Variants in FCHSD2 observed in about 807,000 individuals in gnomAD.
The protein encoded by FCHSD2 is F-BAR and double SH3 domains protein 2.
A neutral mutation model predicts 108.1 loss-of-function variants in FCHSD2; 38 were observed. That is an observed-to-expected ratio of 0.35 (90% CI 0.27 to 0.46). FCHSD2 has a LOEUF of 0.46. FCHSD2 is among the 20% of genes least tolerant of loss of function. FCHSD2 has a pLI of 1.00. For synonymous variants in FCHSD2, 279 were observed against 314.7 expected (o/e 0.89, Z 1.20); for missense variants, 751 against 897.8 (o/e 0.84, Z 2.09).
Position 72,867,911 on chromosome 11 carries a change from C to A in FCHSD2, c.1262G>T (p.Arg421Leu), listed in dbSNP as rs142899648. Residue 421 changes from arginine (R) to leucine (L), a missense_variant, in exon 13 of 20, where the codon CGA (arginine) becomes CTA (leucine). Transcript: ENST00000409418. ...GGTCACTGCAGGAGGGCGGGCCCAT[C>A]GCTCATTTTCCAGTTCTTCCATTAC... ...NQVMEELENE[R>L]WARPPAVTSN... is the part of the protein sequence containing the mutation. 6.2e-7 allele frequency: 1 copy of A among 1,611,798 alleles called. No homozygotes were observed. The highest frequency in any genetic ancestry group is 1.3e-5 in the African/African-American group (1 of 75,026).
At chr11:72,909,792 T>C (rs1158336947) in intron 9 of FCHSD2, among the ~76,000 whole-genome samples, 3 of 147,096 alleles carry the variant, frequency 2.0e-5, no homozygotes, top group African/African-American at 5.1e-5. Flanking sequence ...GGAGCACCTC[T>C]GCCCGGCCGC....
intron 9 of FCHSD2, among the ~76,000 whole-genome samples, chr11:72,903,912 T>A (rs1351272045): frequency 6.6e-6 from 1 of 152,068 alleles, no homozygotes; most frequent in Non-Finnish European, 1.5e-5. Context: ...CACCAACCAT[T>A]TATTGAGAGA....
At chr11:73,024,061 T>C (rs964195513) in intron 3 of FCHSD2, among the ~76,000 whole-genome samples, 2 of 152,242 alleles carry the variant, frequency 1.3e-5, no homozygotes, top group Middle Eastern at 3.4e-3. Context: ...AGTATTGTAG[T>C]AGTGGATCTG....
At chr11:73,055,179 C>A (rs75634820) in intron 3 of FCHSD2, among the ~76,000 whole-genome samples, 1 of 151,984 alleles carries the variant, frequency 6.6e-6, no homozygotes, top group Admixed American at 6.6e-5. Context: ...GGGAAAACCA[C>A]CCCCATGATT....
intron 3 of FCHSD2, among the ~76,000 whole-genome samples, chr11:73,074,128 A>G (rs1390374572): frequency 6.6e-6 from 1 of 152,230 alleles, no homozygotes; most frequent in African/African-American, 2.4e-5. Flanking sequence ...GACTAGAATA[A>G]AAAGTCCAGA....
intron 9 of FCHSD2, among the ~76,000 whole-genome samples, chr11:72,903,596 C>A (rs953232985): frequency 5.3e-5 from 8 of 151,936 alleles, no homozygotes; most frequent in Non-Finnish European, 1.2e-4. Context: ...GAAAAGAATT[C>A]ATTGCATTTA....
In FCHSD2 at chr11:72,838,689, C is replaced by G; in HGVS notation, c.*102G>C. The G allele has an allele frequency of 1.1e-6, 1 of 918,508 alleles. No individual in the cohort carries two copies. Among genetic ancestry groups the G allele is most frequent in the South Asian group, 1.5e-5 (1 of 65,376 alleles). The allele number at this position is 918,508 out of a possible 1,614,324, so 56.9% of individuals were successfully genotyped here. A position where few individuals can be genotyped will look rare whatever the true frequency, so the allele number is the denominator to read the frequency against. On this transcript the variant is annotated 3_prime_UTR_variant, in exon 20 of 20. Transcript: ENST00000409418. Reference sequence around the variant, plus strand: ...CACATAATCCTCCTTGTTTTTTGCTCTGTTCAAGAGTCATCATCATGCAAA... The same window carrying G: ...CACATAATCCTCCTTGTTTTTTGCTGTGTTCAAGAGTCATCATCATGCAAA...
At chr11:73,091,336 C>T (rs1859952294) in intron 2 of FCHSD2, among the ~76,000 whole-genome samples, 6 of 151,976 alleles carry the variant, frequency 3.9e-5, no homozygotes, top group Admixed American at 3.3e-4. Flanking sequence ...GTCAGGAGTT[C>T]GAGACCAGCC....
chr11:72,957,630 T>C (rs1285331963), intron 8 of FCHSD2, among the ~76,000 whole-genome samples: 3 of 151,584 alleles, frequency 2.0e-5, no homozygotes, highest in South Asian at 2.1e-4. Context: ...AAAATGTGTA[T>C]TGGGTCTGTG....
chr11:73,018,686 T>C (rs1365597260), intron 3 of FCHSD2, among the ~76,000 whole-genome samples: 2 of 152,144 alleles, frequency 1.3e-5, no homozygotes, highest in African/African-American at 4.8e-5. Flanking sequence ...GTGTTAGAAG[T>C]CTTTGAATAA....
At chr11:73,127,440 GGT>G (rs2135567151) in intron 2 of FCHSD2, among the ~76,000 whole-genome samples, 1 of 152,278 alleles carries the variant, frequency 6.6e-6, no homozygotes, top group Admixed American at 6.5e-5. Context: ...CAAAGGACAG[GGT>G]TACAAGTTTC....
intron 8 of FCHSD2, among the ~76,000 whole-genome samples, chr11:72,945,798 CTCA>C (rs1856507165): frequency 6.6e-6 from 1 of 152,168 alleles, no homozygotes; most frequent in Non-Finnish European, 1.5e-5. Context: ...TGAAAAAATG[CTCA>C]TCATCAATGG....
chr11:72,925,021 T>C (rs1419189770), intron 8 of FCHSD2, among the ~76,000 whole-genome samples: 2 of 152,102 alleles, frequency 1.3e-5, no homozygotes, highest in African/African-American at 4.8e-5. Context: ...TTGGAGTATT[T>C]TGAGTTCAGC....
intron 6 of FCHSD2, among the ~76,000 whole-genome samples, chr11:72,987,053 CCCCAGTGTTT>C (rs1454057539): frequency 2.6e-5 from 4 of 152,126 alleles, no homozygotes; most frequent in Non-Finnish European, 2.9e-5. Flanking sequence ...AACATATTCA[CCCCAGTGTTT>C]CCCAGGCTCT....
At chr11:72,906,512 C>T (rs1855633946) in intron 9 of FCHSD2, among the ~76,000 whole-genome samples, 1 of 152,136 alleles carries the variant, frequency 6.6e-6, no homozygotes, top group African/African-American at 2.4e-5. Flanking sequence ...TGCCTATGTC[C>T]TGAATGGTAT....
chr11:72,921,073 C>CAA (rs201371746), intron 9 of FCHSD2, among the ~76,000 whole-genome samples: 3 of 131,902 alleles, frequency 2.3e-5, no homozygotes, highest in Admixed American at 7.6e-5. Flanking sequence ...CTCTCCCTGA[C>CAA]AAAAAAAAAA....
At chr11:72,911,270 A>G (rs1591391401) in intron 9 of FCHSD2, among the ~76,000 whole-genome samples, 1 of 152,214 alleles carries the variant, frequency 6.6e-6, no homozygotes, top group East Asian at 1.9e-4. Flanking sequence ...TATGTTCTTG[A>G]CAACTTTGTC....
chr11:72,928,145 C>T lies in FCHSD2; in HGVS notation c.706-6195G>A, dbSNP rs111573314. The stretch of plus-strand genomic sequence containing the variant: ...AATGGTTAAAGCTGGATAATGAGTA[C>T]GTGGGGGTCATTATACTGCCTTTTT... On this transcript the variant is annotated intron_variant, in intron 8 of 19. Coordinates refer to ENST00000409418, the MANE Select transcript of FCHSD2 (RefSeq NM_014824.3). 5.6e-3 allele frequency among the ~76,000 whole-genome samples: 841 copies of T among 150,760 alleles called. 4 individuals carry two copies. Among genetic ancestry groups the T allele is most frequent in the South Asian group, 0.014 (68 of 4,754 alleles).
chr11:73,096,412 G>A (rs1860077732), intron 2 of FCHSD2, among the ~76,000 whole-genome samples: 1 of 150,616 alleles, frequency 6.6e-6, no homozygotes, highest in South Asian at 2.1e-4. Context: ...TTAGCCAGAT[G>A]TGGTGGCGGG....
Sources: allele counts gnomAD v4.1 joint callset (sites outside exome capture counted in the v4.1 genomes callset), GRCh38; gene constraint gnomAD v4.1.1; transcripts MANE v1.5; gene names NCBI Gene and HGNC (gene_info 2026-07-23, HGNC 2026-07-21).